ZNF135: variants seen among roughly 807,000 people sequenced by gnomAD.
ZNF135 encodes the protein zinc finger protein 135, also known as zinc finger protein 135 (clone pHZ-17).
Under a neutral mutation model 12.3 loss-of-function variants are expected in ZNF135, and 11 were observed. The ratio of observed to expected loss-of-function variants is 0.89; its 90% CI spans 0.56 to 1.48. ZNF135 has a LOEUF of 1.48. Among genes scored for constraint, ZNF135 ranks in the 40% most tolerant of loss-of-function variants. The pLI, the probability that ZNF135 is intolerant of heterozygous loss-of-function variation, is 0.00. For synonymous variants in ZNF135, 316 were observed against 312.0 expected, an observed-to-expected ratio of 1.01 and a Z score of -0.14; for missense variants, 722 against 815.7, an observed-to-expected ratio of 0.89 and a Z score of 1.40.
At position 58,069,574 on chromosome 19, in the gene ZNF135, T is replaced by C. The variant is rs1168408303; in HGVS notation, c.*1113T>C. 6.6e-6 allele frequency: 1 copy of C among 152,114 alleles called. No individual in the cohort carries two copies. The highest frequency in any genetic ancestry group is 1.5e-5 in the Non-Finnish European group (1 of 68,030). The allele number at this position is 152,114 out of a possible 1,614,324, so 9.4% of individuals were successfully genotyped here. A position where few individuals can be genotyped will look rare whatever the true frequency, so the allele number is the denominator to read the frequency against. Reference sequence around the variant, plus strand: ...TTAAATGGTGACTTGCTGCCCTCATTAGAAATTGCATTGGCTGGCCAGGCG... The same window carrying C: ...TTAAATGGTGACTTGCTGCCCTCATCAGAAATTGCATTGGCTGGCCAGGCG... On this transcript the variant is annotated 3_prime_UTR_variant, in exon 5 of 5. Transcript: ENST00000313434.
At position 58,059,798 on chromosome 19, in the gene ZNF135, C is replaced by A. The variant is rs2073936263; in HGVS notation, c.-34-171C>A. 4 of 755,432 alleles carry A rather than the reference C, an allele frequency of 5.3e-6. No homozygotes were observed. The highest frequency in any genetic ancestry group is 8.3e-6 in the Non-Finnish European group (4 of 481,970). The allele number at this position is 755,432 out of a possible 1,614,324, so 46.8% of individuals were successfully genotyped here. On this transcript the variant is annotated intron_variant, in intron 1 of 4. Coordinates refer to ENST00000313434, the MANE Select transcript of ZNF135 (RefSeq NM_001289401.2). This position sits in a 1 kb window ranked among gnomAD's most constrained non-coding sequence, Gnocchi z 6.5. ...CTCAGACAGGCGGGAAAACCCTAGG[C>A]TGCCCTTCTCCGAGCGGAGGGCCGC...
chr19:58,063,361 C>G lies in ZNF135; in HGVS notation c.161-85C>G. Reference sequence around the variant, plus strand: ...TCAGGGGTCCCCAGCCATCTGGGACCTGGAAGACCAAAGGTGGAATGGGCT... The same window carrying G: ...TCAGGGGTCCCCAGCCATCTGGGACGTGGAAGACCAAAGGTGGAATGGGCT... On this transcript the variant is annotated intron_variant, in intron 3 of 4. Transcript: ENST00000313434. The surrounding 1 kb of genome is among the most constrained non-coding windows in gnomAD (Gnocchi z 4.4). 6.3e-7 allele frequency: 1 copy of G among 1,579,296 alleles called. No individual in the cohort carries two copies. The highest frequency in any genetic ancestry group is 8.6e-7 in the Non-Finnish European group (1 of 1,160,708).
At chr19:58,066,339 A>G (rs979554435) in intron 4 of ZNF135, among the ~76,000 whole-genome samples, 2 of 152,162 alleles carry the variant, frequency 1.3e-5, no homozygotes, top group East Asian at 1.9e-4. Context: ...TGTGGAGGCC[A>G]CTGTAGCTGG....
In ZNF135 at chr19:58,067,936, CCAGCGAATCCACACAGGG is replaced by C. The variant is rs1568617579; in HGVS notation, c.1453_1470del (p.Gln485_Gly490del). 7 of 1,613,398 alleles carry C rather than the reference CCAGCGAATCCACACAGGG, an allele frequency of 4.3e-6. No homozygotes were observed. The Admixed American group carries it at 1.2e-4, about 27-fold the overall frequency. On this transcript the variant is annotated inframe_deletion, in exon 5 of 5. Coordinates refer to ENST00000313434, the MANE Select transcript of ZNF135 (RefSeq NM_001289401.2). ...GGCAGAGCACACACCTCACCCAACA[CCAGCGAATCCACACAGGG>C]GAGAAGCCCTATGAATGCAATGACT... is the stretch of plus-strand genomic sequence containing the variant.
Position 58,067,709 on chromosome 19 carries a change from C to T in ZNF135, c.1225C>T (p.Pro409Ser), listed in dbSNP as rs776172737. 6.2e-7 allele frequency: 1 copy of T among 1,614,082 alleles called. No homozygotes were observed. Among genetic ancestry groups the T allele is most frequent in the South Asian group, 1.1e-5 (1 of 91,088 alleles). Residue 409 changes from proline (P) to serine (S), a missense_variant, in exon 5 of 5, where the codon CCC (proline) becomes TCC (serine). By Grantham distance (74) the Pro-to-Ser change is moderately conservative. Transcript: ENST00000313434. ...QHQRTHTGEK[P>S]YECGECGKAF... ...CCAGAGGACCCACACAGGAGAAAAG[C>T]CCTATGAGTGTGGTGAGTGTGGGAA...
chr19:58,065,874 C>T lies in ZNF135; in HGVS notation c.257-867C>T, dbSNP rs2074057468. Among the ~76,000 whole-genome samples, 1 of 151,832 alleles carries T rather than the reference C, an allele frequency of 6.6e-6. No homozygotes were observed. Among genetic ancestry groups the T allele is most frequent in the African/African-American group, 2.4e-5 (1 of 41,296 alleles). On this transcript the variant is annotated intron_variant, in intron 4 of 4. Coordinates refer to ENST00000313434, the MANE Select transcript of ZNF135 (RefSeq NM_001289401.2). This position sits in a 1 kb window ranked among gnomAD's most constrained non-coding sequence, Gnocchi z 4.0. ...AAACATAACAATATGGGGAAGGTGC[C>T]CACATCACACCTCTAGGCCACTGTG...
rs527739398 is a variant in ZNF135, at chr19:58,059,398, C to A, written c.-35+88C>A. 2.2e-6 allele frequency: 2 copies of A among 921,758 alleles called. No individual in the cohort carries two copies. Among genetic ancestry groups the A allele is most frequent in the South Asian group, 1.9e-5 (1 of 52,262 alleles). 57.1% of individuals were successfully genotyped at this position (921,758 alleles called of 1,614,324 possible). On this transcript the variant is annotated intron_variant, in intron 1 of 4. Coordinates refer to ENST00000313434, the MANE Select transcript of ZNF135 (RefSeq NM_001289401.2). The surrounding 1 kb of genome is among the most constrained non-coding windows in gnomAD (Gnocchi z 6.5). ...GGGGGTCCGGGGATCTTCCTGAGGC[C>A]CTGGCGGGGCGAGTTTCCAGCAGCG...
At chr19:58,064,378 C>T (rs564344567) in intron 4 of ZNF135, among the ~76,000 whole-genome samples, 1 of 152,144 alleles carries the variant, frequency 6.6e-6, no homozygotes, top group African/African-American at 2.4e-5. Context: ...GGATTTTCTT[C>T]TGCCTGAGCC....
In ZNF135 at chr19:58,060,002, C is replaced by A; in HGVS notation, c.-1C>A. On this transcript the variant is annotated 5_prime_UTR_variant, in exon 2 of 5. Coordinates refer to ENST00000313434, the MANE Select transcript of ZNF135 (RefSeq NM_001289401.2). This position sits in a 1 kb window ranked among gnomAD's most constrained non-coding sequence, Gnocchi z 4.9. Reference sequence around the variant, plus strand: ...CAGCCGTTCCTGCCAGAAGCCAGGGCATGACCCCTGGGGTGCGCGTCTCCA... The same window carrying A: ...CAGCCGTTCCTGCCAGAAGCCAGGGAATGACCCCTGGGGTGCGCGTCTCCA... 6.2e-7 allele frequency: 1 copy of A among 1,613,512 alleles called. No homozygotes were observed. The highest frequency in any genetic ancestry group is 1.3e-5 in the African/African-American group (1 of 75,030).
chr19:58,059,957 C>T lies in ZNF135; in HGVS notation c.-34-12C>T. 2 of 1,612,470 alleles carry T rather than the reference C, an allele frequency of 1.2e-6. No individual in the cohort carries two copies. Among genetic ancestry groups the T allele is most frequent in the Non-Finnish European group, 1.7e-6 (2 of 1,179,646 alleles). On this transcript the variant is annotated splice_polypyrimidine_tract_variant and intron_variant, in intron 1 of 4. Coordinates refer to ENST00000313434, the MANE Select transcript of ZNF135 (RefSeq NM_001289401.2). This position sits in a 1 kb window ranked among gnomAD's most constrained non-coding sequence, Gnocchi z 6.5. ...CTGCCTGCCCCAGCTGCTCACCTCC[C>T]CTTTCCCACAGAGCAGGGCCAGCCG...
At position 58,067,886 on chromosome 19, in the gene ZNF135, T is replaced by G; in HGVS notation, c.1402T>G (p.Cys468Gly). The G allele has an allele frequency of 6.2e-7, 1 of 1,611,638 alleles. No homozygotes were observed. The highest frequency in any genetic ancestry group is 8.5e-7 in the Non-Finnish European group (1 of 1,179,526). The change falls in exon 5 of 5, where the codon TGC becomes GGC. Residue 468 changes from cysteine (C) to glycine (G), a missense_variant. Physicochemically the swap from Cys to Gly is radical, Grantham distance 159. Coordinates refer to ENST00000313434, the MANE Select transcript of ZNF135 (RefSeq NM_001289401.2). ...ACACACAGGAGAGAAGCCCTATGAG[T>G]GCAGTCAGTGTGGGAAGGCCTTCCG... ...RTHTGEKPYE[C>G]SQCGKAFRQS...
At position 58,060,279 on chromosome 19, in the gene ZNF135, T is replaced by A; in HGVS notation, c.33+244T>A. Reference sequence around the variant, plus strand: ...GGCCTCTACTCGTGCCCGGCCTCTATTTGCACATCTAGCCTCTACTCGTGT... The same window carrying A: ...GGCCTCTACTCGTGCCCGGCCTCTAATTGCACATCTAGCCTCTACTCGTGT... On this transcript the variant is annotated intron_variant, in intron 2 of 4. Coordinates refer to ENST00000313434, the MANE Select transcript of ZNF135 (RefSeq NM_001289401.2). This position sits in a 1 kb window ranked among gnomAD's most constrained non-coding sequence, Gnocchi z 4.9. 1 of 1,378,940 alleles carries A rather than the reference T, an allele frequency of 7.3e-7. No homozygotes were observed. Among genetic ancestry groups the A allele is most frequent in the Non-Finnish European group, 9.5e-7 (1 of 1,057,820 alleles). The allele number at this position is 1,378,940 out of a possible 1,614,324, so 85.4% of individuals were successfully genotyped here. A position where few individuals can be genotyped will look rare whatever the true frequency, so the allele number is the denominator to read the frequency against.
intron 4 of ZNF135, among the ~76,000 whole-genome samples, chr19:58,064,143 TC>T (rs900511875): frequency 2.3e-4 from 35 of 152,164 alleles, no homozygotes; most frequent in Admixed American, 2.2e-3. Context: ...AGCAGAGGTA[TC>T]CCAGCCCACT....
Position 58,067,220 on chromosome 19 carries a change from G to C in ZNF135, c.736G>C (p.Glu246Gln). 6.2e-7 allele frequency: 1 copy of C among 1,614,068 alleles called. No homozygotes were observed. Residue 246 changes from glutamate (E) to glutamine (Q), a missense_variant, in exon 5 of 5, where the codon GAA (glutamate) becomes CAA (glutamine). Transcript: ENST00000313434. ...HTGERPYECH[E>Q]CLKGFRNSSA... ...AGGAGAGAGACCTTACGAATGTCAC[G>C]AATGCTTAAAAGGCTTCCGGAACAG...
At position 58,059,959 on chromosome 19, in the gene ZNF135, T is replaced by C; in HGVS notation, c.-34-10T>C. 6.2e-7 allele frequency: 1 copy of C among 1,612,396 alleles called. No homozygotes were observed. The highest frequency in any genetic ancestry group is 8.5e-7 in the Non-Finnish European group (1 of 1,179,594). On this transcript the variant is annotated splice_polypyrimidine_tract_variant and intron_variant, in intron 1 of 4. Coordinates refer to ENST00000313434, the MANE Select transcript of ZNF135 (RefSeq NM_001289401.2). This position sits in a 1 kb window ranked among gnomAD's most constrained non-coding sequence, Gnocchi z 6.5. ...GCCTGCCCCAGCTGCTCACCTCCCC[T>C]TTCCCACAGAGCAGGGCCAGCCGTT...
At position 58,059,608 on chromosome 19, in the gene ZNF135, CCCACA is replaced by C; in HGVS notation, c.-35+301_-35+305del. ...GCCCCGCCCCTGGCCCCACCTCTGC[CCCACA>C]CCGGGCACTGGGCCGCCACCTTTGT... On this transcript the variant is annotated intron_variant, in intron 1 of 4. Transcript: ENST00000313434. The surrounding 1 kb of genome is among the most constrained non-coding windows in gnomAD (Gnocchi z 6.5). The C allele has an allele frequency of 1.9e-6, 1 of 523,358 alleles. No homozygotes were observed. The highest frequency in any genetic ancestry group is 3.3e-6 in the Non-Finnish European group (1 of 299,346). 32.4% of individuals were successfully genotyped at this position (523,358 alleles called of 1,614,324 possible). A position where few individuals can be genotyped will look rare whatever the true frequency, so the allele number is the denominator to read the frequency against.
At chr19:58,064,708 C>T (rs1035110476) in intron 4 of ZNF135, among the ~76,000 whole-genome samples, 8 of 137,394 alleles carry the variant, frequency 5.8e-5, no homozygotes, top group Admixed American at 3.8e-4. Flanking sequence ...GGTGAAACCC[C>T]GTCTCTACAA....
rs1036879460 is a variant in ZNF135, at chr19:58,065,824, T to G, written c.257-917T>G. Among the ~76,000 whole-genome samples the G allele has an allele frequency of 7.2e-5, 11 of 152,174 alleles. No individual in the cohort carries two copies. The highest frequency in any genetic ancestry group is 2.7e-4 in the African/African-American group (11 of 41,442). On this transcript the variant is annotated intron_variant, in intron 4 of 4. Coordinates refer to ENST00000313434, the MANE Select transcript of ZNF135 (RefSeq NM_001289401.2). The surrounding 1 kb of genome is among the most constrained non-coding windows in gnomAD (Gnocchi z 4.0). ...TGCCATTCACTCTGGCTTAACTTTT[T>G]TTTTTTTAATTGAACTTTTCACTGA...
At position 58,061,675 on chromosome 19, in the gene ZNF135, G is replaced by T. The variant is rs1486046584; in HGVS notation, c.129G>T (p.Met43Ile). 4 of 1,613,180 alleles carry T rather than the reference G, an allele frequency of 2.5e-6. No individual in the cohort carries two copies. Among genetic ancestry groups the T allele is most frequent in the African/African-American group, 2.7e-5 (2 of 74,862 alleles). ...PAQRTLYRDV[M>I]LDTFRLLVSV... Reference sequence around the variant, plus strand: ...AGAGGACCCTGTACCGTGATGTAATGCTGGACACCTTCAGGCTTCTGGTCT... The same window carrying T: ...AGAGGACCCTGTACCGTGATGTAATTCTGGACACCTTCAGGCTTCTGGTCT... The change falls in exon 3 of 5, where the codon ATG becomes ATT. Residue 43 changes from methionine to isoleucine, a missense_variant. Physicochemically the swap from Met to Ile is conservative, Grantham distance 10. Coordinates refer to ENST00000313434, the MANE Select transcript of ZNF135 (RefSeq NM_001289401.2).
Sources: gnomAD v4.1 joint callset for allele counts (sites outside exome capture counted in the v4.1 genomes callset) on GRCh38, gnomAD v4.1.1 for gene constraint, Gnocchi (gnomAD v3.1) non-coding constraint, MANE v1.5 for transcripts, NCBI Gene and HGNC (gene_info 2026-07-23, HGNC 2026-07-21) for gene names.